Variants in ELAPOR2 observed in about 807,000 individuals in gnomAD.
ELAPOR2 encodes the protein endosome-lysosome associated apoptosis and autophagy regulator family member 2, also known as endosome/lysosome-associated apoptosis and autophagy regulator family member 2.
In ELAPOR2, 89 loss-of-function variants were observed where a neutral mutation model predicts 120.7. The ratio of observed to expected loss-of-function variants is 0.74; its 90% CI spans 0.62 to 0.88. ELAPOR2 has a LOEUF of 0.88. ELAPOR2 is among the 40% of genes least tolerant of loss of function. ELAPOR2 has a pLI of 0.00. For missense variants in ELAPOR2, 1,134 were observed against 1,251.6 expected (o/e 0.91, Z 1.42); for synonymous variants, 444 against 444.9 (o/e 1.00, Z 0.03).
Position 87,000,686 on chromosome 7 carries a change from C to T in ELAPOR2, c.190-35662G>A, listed in dbSNP as rs114032686. Reference sequence around the variant, plus strand: ...ATCACAAGCTTCAGTTTGTTAAATACAAACACAGGAAAGGCATTATCATTT... The same window carrying T: ...ATCACAAGCTTCAGTTTGTTAAATATAAACACAGGAAAGGCATTATCATTT... On this transcript the variant is annotated intron_variant, in intron 1 of 21. Coordinates refer to ENST00000450689, the MANE Select transcript of ELAPOR2 (RefSeq NM_001142749.3). Among the ~76,000 whole-genome samples the T allele has an allele frequency of 3.1e-3, 470 of 152,280 alleles. 1 individual carries two copies. The highest frequency in any genetic ancestry group is 0.011 in the African/African-American group (440 of 41,560).
chr7:86,912,734 T>G (rs920878014), intron 14 of ELAPOR2, among the ~76,000 whole-genome samples: 1 of 152,216 alleles, frequency 6.6e-6, no homozygotes, highest in Non-Finnish European at 1.5e-5. Flanking sequence ...CTTTTAATAT[T>G]TTATGTCACC....
At chr7:87,028,710 C>T (rs572173553) in intron 1 of ELAPOR2, among the ~76,000 whole-genome samples, 30 of 152,182 alleles carry the variant, frequency 2.0e-4, no homozygotes, top group Non-Finnish European at 3.5e-4. Flanking sequence ...GATCTTTTTA[C>T]ACATAAATCA....
chr7:86,990,232 T>C (rs187351017), intron 1 of ELAPOR2, among the ~76,000 whole-genome samples: 1 of 152,158 alleles, frequency 6.6e-6, no homozygotes, highest in East Asian at 1.9e-4. Context: ...TATTTTTTAG[T>C]AGAGACGGGG....
Position 86,913,161 on chromosome 7 carries a change from G to T in ELAPOR2, c.1775C>A (p.Thr592Lys). ...CACCCCATCAACTGCATTAGTGGCT[G>T]TGATAGAATAAATCTTCACCATGTC... is the stretch of plus-strand genomic sequence containing the variant. The part of the protein sequence containing the change: ...INDMVKIYSI[T>K]ATNAVDGVAS... Residue 592 changes from threonine (T) to lysine (K), a missense_variant, in exon 14 of 22, where the codon ACA (threonine) becomes AAA (lysine). By Grantham distance (78) the Thr-to-Lys change is moderately conservative (BLOSUM62 -1). This residue lies in a region of ELAPOR2 where 831 missense variants were observed against 867.6 expected (regional missense o/e 0.96). Transcript: ENST00000450689. 1.2e-6 allele frequency: 2 copies of T among 1,613,968 alleles called. No individual in the cohort carries two copies. The highest frequency in any genetic ancestry group is 1.7e-6 in the Non-Finnish European group (2 of 1,179,962).
chr7:86,892,987 A>G lies in ELAPOR2; in HGVS notation c.2799T>C (p.Gly933=). The change falls in exon 20 of 22, where the codon GGT becomes GGC. Residue 933 remains glycine (G), a synonymous_variant. Transcript: ENST00000450689. Reference sequence around the variant, plus strand: ...GCAAAACGGCAGTAAAAGCTCCCACACCGGCTCCCACCTTCAGCCAAAAGT... The same window carrying G: ...GCAAAACGGCAGTAAAAGCTCCCACGCCGGCTCCCACCTTCAGCCAAAAGT... ...TVDFWLKVGA[G]VGAFTAVLLV... 1 of 1,575,898 alleles carries G rather than the reference A, an allele frequency of 6.3e-7. No homozygotes were observed.
intron 2 of ELAPOR2, among the ~76,000 whole-genome samples, chr7:86,953,211 A>C (rs1791339438): frequency 6.6e-6 from 1 of 152,202 alleles, no homozygotes; most frequent in African/African-American, 2.4e-5. Context: ...TATGCAGTCA[A>C]ATTAGTTGAA....
rs1170369172 is a variant in ELAPOR2, at chr7:87,042,223, A to T, written c.189+17102T>A. Among the ~76,000 whole-genome samples, 8 of 151,116 alleles carry T rather than the reference A, an allele frequency of 5.3e-5. No homozygotes were observed. The South Asian group carries it at 1.7e-3, about 32-fold the overall frequency. On this transcript the variant is annotated intron_variant, in intron 1 of 21. Coordinates refer to ENST00000450689, the MANE Select transcript of ELAPOR2 (RefSeq NM_001142749.3). ...TCAATGAGACAGAAAGTCAACAAGGATACCCAGGAATTGAACTCAGCTCTG... is the reference window on the plus strand; with the variant it reads ...TCAATGAGACAGAAAGTCAACAAGGTTACCCAGGAATTGAACTCAGCTCTG...
chr7:86,964,874 A>G (rs1440374483), intron 2 of ELAPOR2, 30 bp downstream of exon 2: 1 of 1,550,756 alleles, frequency 6.4e-7, no homozygotes, highest in Admixed American at 2.0e-5. Flanking sequence ...TTTAATCAAG[A>G]AAACAAATGG....
At chr7:86,929,976 C>T (rs1790256547) in intron 8 of ELAPOR2, among the ~76,000 whole-genome samples, 1 of 151,944 alleles carries the variant, frequency 6.6e-6, no homozygotes, top group South Asian at 2.1e-4. Context: ...GTACAGCCTA[C>T]AGAATCGTGA....
chr7:87,021,278 T>G (rs1289223481), intron 1 of ELAPOR2, among the ~76,000 whole-genome samples: 1 of 152,146 alleles, frequency 6.6e-6, no homozygotes, highest in Non-Finnish European at 1.5e-5. Flanking sequence ...TGACAAGACA[T>G]ACATAATCTT....
chr7:86,890,332 A>G (rs1465445646), intron 21 of ELAPOR2, among the ~76,000 whole-genome samples: 1 of 151,880 alleles, frequency 6.6e-6, no homozygotes, highest in African/African-American at 2.4e-5. Flanking sequence ...ACAGTCTTGG[A>G]AATAGTGTCT....
At chr7:87,011,320 T>G (rs4728662) in intron 1 of ELAPOR2, among the ~76,000 whole-genome samples, 56,972 of 150,528 alleles carry the variant, frequency 0.38, 11,636 homozygotes, top group African/African-American at 0.53. Flanking sequence ...AATGAACAAT[T>G]GACTTCATGC....
At chr7:86,940,668 C>T (rs887361088) in intron 5 of ELAPOR2, among the ~76,000 whole-genome samples, 14 of 152,060 alleles carry the variant, frequency 9.2e-5, no homozygotes, top group Non-Finnish European at 1.9e-4. Flanking sequence ...TCCTTTGCTA[C>T]TGGAATATTT....
At chr7:86,951,129 A>T (rs1441730821) in intron 2 of ELAPOR2, among the ~76,000 whole-genome samples, 3 of 152,214 alleles carry the variant, frequency 2.0e-5, no homozygotes, top group Admixed American at 6.5e-5. Flanking sequence ...AATCCAGCTC[A>T]CTACCTGCTT....
At chr7:86,979,317 T>A (rs528271074) in intron 1 of ELAPOR2, among the ~76,000 whole-genome samples, 52 of 152,330 alleles carry the variant, frequency 3.4e-4, no homozygotes, top group African/African-American at 1.2e-3. Flanking sequence ...GTCACTCAGA[T>A]ACTATCTGCC....
chr7:86,912,864 A>G, intron 14 of ELAPOR2, 77 bp downstream of exon 14: 1 of 1,509,668 alleles, frequency 6.6e-7, no homozygotes, highest in South Asian at 1.2e-5. Flanking sequence ...GCTCCCAGAG[A>G]AACATTAAGG....
At chr7:87,041,821 T>C (rs1237827756) in intron 1 of ELAPOR2, among the ~76,000 whole-genome samples, 1 of 151,824 alleles carries the variant, frequency 6.6e-6, no homozygotes, top group African/African-American at 2.4e-5. Context: ...ACTGGCAAAC[T>C]GGATAAAGAG....
chr7:86,969,584 A>G (rs949703322), intron 1 of ELAPOR2, among the ~76,000 whole-genome samples: 4 of 152,128 alleles, frequency 2.6e-5, no homozygotes, highest in Non-Finnish European at 4.4e-5. Context: ...TAGTCCCTGT[A>G]CTCAATAAGC....
intron 1 of ELAPOR2, among the ~76,000 whole-genome samples, chr7:86,977,478 G>A (rs900399582): frequency 2.6e-5 from 4 of 151,952 alleles, no homozygotes; most frequent in Non-Finnish European, 2.9e-5. Context: ...ATCTCTCCCC[G>A]TATCTCTCAA....
Sources: allele counts gnomAD v4.1 joint callset (sites outside exome capture counted in the v4.1 genomes callset), GRCh38; gene constraint gnomAD v4.1.1; regional missense constraint gnomAD v4.1.1; transcripts MANE v1.5; gene names NCBI Gene and HGNC (gene_info 2026-07-23, HGNC 2026-07-21).